Variants in IMMP2L observed in about 807,000 individuals in gnomAD.
The protein encoded by IMMP2L is mitochondrial inner membrane protease subunit 2.
In IMMP2L, 18 loss-of-function variants were observed where a neutral mutation model predicts 19.3. The observed-to-expected ratio is 0.93, with a 90% CI of 0.64 to 1.38. The LOEUF is 1.38. Ranked by LOEUF, IMMP2L falls within the 40% of genes most tolerant of loss-of-function variation. The pLI, the probability that IMMP2L is intolerant of heterozygous loss-of-function variation, is 0.00. For synonymous variants in IMMP2L, 76 were observed against 73.0 expected, an observed-to-expected ratio of 1.04 and a Z score of -0.21; for missense variants, 233 against 218.2, an observed-to-expected ratio of 1.07 and a Z score of -0.43.
chr7:111,356,513 C>A (rs910763847), intron 3 of IMMP2L, among the ~76,000 whole-genome samples: 1 of 152,014 alleles, frequency 6.6e-6, no homozygotes, highest in Non-Finnish European at 1.5e-5. Flanking sequence ...CAAGGGAGGT[C>A]CTAGACCAGT....
intron 5 of IMMP2L, among the ~76,000 whole-genome samples, chr7:110,780,894 C>T (rs1188454991): frequency 6.6e-6 from 1 of 151,864 alleles, no homozygotes; most frequent in Non-Finnish European, 1.5e-5. Context: ...CTTGTGAGTT[C>T]AGCAGCTGCA....
chr7:111,060,152 T>C (rs1793890303), intron 3 of IMMP2L, among the ~76,000 whole-genome samples: 1 of 152,196 alleles, frequency 6.6e-6, no homozygotes, highest in African/African-American at 2.4e-5. Flanking sequence ...AAAATAAATA[T>C]TCATTTGCTA....
intron 3 of IMMP2L, among the ~76,000 whole-genome samples, chr7:111,273,097 G>A (rs1355755811): frequency 1.3e-5 from 2 of 152,010 alleles, no homozygotes; most frequent in African/African-American, 2.4e-5. Context: ...GGCCAACATG[G>A]TGAAACCCCA....
At chr7:110,842,911 C>T (rs1805241093) in intron 5 of IMMP2L, among the ~76,000 whole-genome samples, 1 of 152,038 alleles carries the variant, frequency 6.6e-6, no homozygotes, top group Non-Finnish European at 1.5e-5. Flanking sequence ...AAATTATGGG[C>T]AGAGCAGGCT....
intron 3 of IMMP2L, among the ~76,000 whole-genome samples, chr7:110,992,565 T>C (rs1281769630): frequency 6.6e-6 from 1 of 151,830 alleles, no homozygotes; most frequent in Non-Finnish European, 1.5e-5. Context: ...AATAAAGATG[T>C]ATTACTTTCT....
chr7:110,995,696 A>C (rs1822955851), intron 3 of IMMP2L, among the ~76,000 whole-genome samples: 1 of 152,094 alleles, frequency 6.6e-6, no homozygotes, highest in Admixed American at 6.6e-5. Context: ...CAGCATCATA[A>C]GTAGCCATGA....
intron 3 of IMMP2L, among the ~76,000 whole-genome samples, chr7:111,118,542 G>A (rs62466668): frequency 0.012 from 1,868 of 151,840 alleles, 25 homozygotes; most frequent in Admixed American, 0.025. Context: ...CAGGCAGATG[G>A]GTCTCAATAA....
chr7:111,315,842 G>T (rs1164067962), intron 3 of IMMP2L, among the ~76,000 whole-genome samples: 1 of 151,752 alleles, frequency 6.6e-6, no homozygotes, highest in African/African-American at 2.4e-5. Flanking sequence ...AGTCTGAAAA[G>T]ACTTCATGTA....
intron 3 of IMMP2L, among the ~76,000 whole-genome samples, chr7:111,146,334 T>C (rs1803473107): frequency 6.6e-6 from 1 of 152,058 alleles, no homozygotes; most frequent in Admixed American, 6.6e-5. Context: ...CTAAATATTA[T>C]TTTTCTTTTA....
chr7:111,319,623 C>G (rs1824467272), intron 3 of IMMP2L, among the ~76,000 whole-genome samples: 1 of 151,920 alleles, frequency 6.6e-6, no homozygotes, highest in Non-Finnish European at 1.5e-5. Context: ...AAAGATCAGC[C>G]CTCAATAACA....
At chr7:111,185,633 A>C (rs1253461363) in intron 3 of IMMP2L, among the ~76,000 whole-genome samples, 1 of 152,224 alleles carries the variant, frequency 6.6e-6, no homozygotes, top group Admixed American at 6.5e-5. Context: ...CTTGTAGATT[A>C]GAACAGTAAC....
intron 5 of IMMP2L, among the ~76,000 whole-genome samples, chr7:110,795,259 A>T (rs35635368): frequency 2.1e-3 from 316 of 152,126 alleles, no homozygotes; most frequent in Non-Finnish European, 2.1e-3. Context: ...CTACCAAACC[A>T]AGCTAGTAGG....
chr7:111,165,790 C>T (rs998577281), intron 3 of IMMP2L, among the ~76,000 whole-genome samples: 1 of 152,014 alleles, frequency 6.6e-6, no homozygotes, highest in Non-Finnish European at 1.5e-5. Context: ...AGGAAAAAGA[C>T]TGACAGCATC....
chr7:111,264,253 G>C (rs1817611234), intron 3 of IMMP2L, among the ~76,000 whole-genome samples: 1 of 152,050 alleles, frequency 6.6e-6, no homozygotes. Flanking sequence ...AACATCACCT[G>C]ACAAGGGCAC....
chr7:111,051,240 T>C (rs1472960146), intron 3 of IMMP2L, among the ~76,000 whole-genome samples: 2 of 152,224 alleles, frequency 1.3e-5, no homozygotes, highest in African/African-American at 4.8e-5. Flanking sequence ...TATGACTGTT[T>C]ATTTCTATAT....
At chr7:111,554,452 T>C (rs1791031281) in intron 1 of IMMP2L, among the ~76,000 whole-genome samples, 1 of 152,070 alleles carries the variant, frequency 6.6e-6, no homozygotes, top group African/African-American at 2.4e-5. Context: ...CCCCTAATCT[T>C]ACTCCCCGAA....
chr7:110,776,563 A>T (rs1402056166), intron 5 of IMMP2L, among the ~76,000 whole-genome samples: 1 of 152,044 alleles, frequency 6.6e-6, no homozygotes, highest in Non-Finnish European at 1.5e-5. Flanking sequence ...TAATTGTTGG[A>T]GTAGCTTTTC....
At chr7:110,899,209 C>A (rs1811623156) in intron 4 of IMMP2L, among the ~76,000 whole-genome samples, 2 of 152,062 alleles carry the variant, frequency 1.3e-5, no homozygotes, top group African/African-American at 4.8e-5. Flanking sequence ...CTACTAATAA[C>A]ATTTCTATAT....
At chr7:111,188,932 T>A (rs1355350188) in intron 3 of IMMP2L, among the ~76,000 whole-genome samples, 2 of 152,178 alleles carry the variant, frequency 1.3e-5, no homozygotes, top group East Asian at 3.9e-4. Flanking sequence ...CTAGCTAACT[T>A]CCTGGAAGAT....
Sources: allele counts gnomAD v4.1 joint callset (sites outside exome capture counted in the v4.1 genomes callset), GRCh38; gene constraint gnomAD v4.1.1; transcripts MANE v1.5; gene names NCBI Gene and HGNC (gene_info 2026-07-23, HGNC 2026-07-21).